Variants in CUX1 observed in about 807,000 individuals in gnomAD.
CUX1 encodes cut like homeobox 1, also known as protein CASP.
Under a neutral mutation model 158.8 loss-of-function variants are expected in CUX1, and 31 were observed. The ratio of observed to expected loss-of-function variants is 0.20; its 90% CI spans 0.15 to 0.26. The LOEUF (loss-of-function observed/expected upper bound fraction) is 0.26, where lower values mean the gene tolerates loss of function less well. Among genes scored for constraint, CUX1 ranks in the 10% least tolerant of loss-of-function variants. The probability of loss-of-function intolerance (pLI) is 1.00; values close to 1 mark genes in which losing one functional copy is unlikely to be tolerated. For synonymous variants in CUX1, 879 were observed against 862.1 expected (o/e 1.02, Z -0.34); for missense variants, 1,589 against 2,014.6 (o/e 0.79, Z 4.04).
Position 102,257,866 on chromosome 7 carries a change from CAAAAAAG to C in CUX1, c.*8832_*8838del. 1 of 976,078 alleles carries C rather than the reference CAAAAAAG, an allele frequency of 1.0e-6. No individual in the cohort carries two copies. The allele number at this position is 976,078 out of a possible 1,614,324, so 60.5% of individuals were successfully genotyped here. A position where few individuals can be genotyped will look rare whatever the true frequency, so the allele number is the denominator to read the frequency against. On this transcript the variant is annotated 3_prime_UTR_variant, in exon 24 of 24. Transcript: ENST00000292535. ...CAATCCTCACAGAGACCCAATTGACCAAAAAAGAAAAAAGGAAAAAAAAAAAGTCGTC... is the reference window on the plus strand; with the variant it reads ...CAATCCTCACAGAGACCCAATTGACCAAAAAAGGAAAAAAAAAAAGTCGTC...
chr7:102,225,097 G>C (rs1487595713), intron 20 of CUX1, among the ~76,000 whole-genome samples: 2 of 152,164 alleles, frequency 1.3e-5, no homozygotes, highest in African/African-American at 4.8e-5. Flanking sequence ...TGAGCAGAGA[G>C]AAGAAATCTG....
intron 2 of CUX1, among the ~76,000 whole-genome samples, chr7:101,964,734 C>T (rs750177987): frequency 6.6e-6 from 1 of 152,188 alleles, no homozygotes; most frequent in Admixed American, 6.5e-5. Flanking sequence ...AGAATATTAT[C>T]GTTTCAGAGT....
At chr7:102,160,595 G>C (rs1790328337) in intron 9 of CUX1, among the ~76,000 whole-genome samples, 1 of 152,058 alleles carries the variant, frequency 6.6e-6, no homozygotes, top group Admixed American at 6.6e-5. Context: ...GCCTTGACGG[G>C]TCTCTTAATC....
intron 4 of CUX1, among the ~76,000 whole-genome samples, chr7:102,086,232 G>T (rs1295888417): frequency 6.8e-6 from 1 of 146,648 alleles, no homozygotes; most frequent in Non-Finnish European, 1.5e-5. Context: ...GCTTTTGTTT[G>T]CATTGATTTT....
chr7:102,266,002 A>G (rs1309280359), intron 14 of CUX1, among the ~76,000 whole-genome samples: 2 of 152,044 alleles, frequency 1.3e-5, no homozygotes, highest in Non-Finnish European at 2.9e-5. Context: ...CCAGGAGTTT[A>G]AGACCAGCCT....
At position 101,885,728 on chromosome 7, in the gene CUX1, G is replaced by A. The variant is rs185661636; in HGVS notation, c.31-30387G>A. On this transcript the variant is annotated intron_variant, in intron 1 of 23. Transcript: ENST00000292535. ...TCGGACGACTTCCTCTTTGTGTCTC[G>A]TGGACTACTCAATAAATATTAATGT... is the stretch of plus-strand genomic sequence containing the variant. Among the ~76,000 whole-genome samples, 23 of 152,252 alleles carry A rather than the reference G, an allele frequency of 1.5e-4. No individual in the cohort carries two copies. The East Asian group carries it at 3.1e-3, about 20-fold the overall frequency.
intron 20 of CUX1, among the ~76,000 whole-genome samples, chr7:102,225,317 T>G (rs1798237094): frequency 6.6e-6 from 1 of 152,188 alleles, no homozygotes; most frequent in African/African-American, 2.4e-5. Context: ...TGCAAATGTT[T>G]TATTTGAGGT....
intron 2 of CUX1, among the ~76,000 whole-genome samples, chr7:101,946,956 G>A (rs1019244615): frequency 3.3e-5 from 5 of 152,266 alleles, no homozygotes; most frequent in Admixed American, 2.6e-4. Context: ...ACAGGGAGAG[G>A]AGCCACAGAA....
At chr7:102,245,910 T>C (rs1242283467) in intron 23 of CUX1, among the ~76,000 whole-genome samples, 1 of 151,108 alleles carries the variant, frequency 6.6e-6, no homozygotes, top group Admixed American at 6.6e-5. Flanking sequence ...AGGCAGAGGT[T>C]GCAGTGAGCT....
At chr7:101,925,748 A>G (rs1805510156) in intron 2 of CUX1, among the ~76,000 whole-genome samples, 2 of 152,192 alleles carry the variant, frequency 1.3e-5, no homozygotes, top group Admixed American at 1.3e-4. Flanking sequence ...CCTGGGCAAT[A>G]TAGTGAGACC....
rs540144289 is a variant in CUX1 at position 102,201,526 on chromosome 7, C to G, written c.2229C>G (p.Pro743=). 3.5e-5 allele frequency: 57 copies of G among 1,614,084 alleles called. No individual in the cohort carries two copies. The highest frequency in any genetic ancestry group is 4.6e-5 in the Non-Finnish European group (54 of 1,180,044). The change falls in exon 18 of 24, where the codon CCC becomes CCG. Residue 743 remains proline, a synonymous_variant. Coordinates refer to ENST00000292535, the MANE Select transcript of CUX1 (RefSeq NM_181552.4). The surrounding 1 kb of genome is among the most constrained non-coding windows in gnomAD (Gnocchi z 5.0). ...LSQSDITILT[P]KLLSTSPMPT... is the part of the protein sequence containing the mutation. The stretch of plus-strand genomic sequence containing the variant: ...AGAGTGACATCACCATCCTCACCCC[C>G]AAGCTTCTGTCCACCTCGCCCATGC...
chr7:101,864,984 G>C lies in CUX1; in HGVS notation c.30+47315G>C, dbSNP rs902627433. Among the ~76,000 whole-genome samples, 17 of 152,138 alleles carry C rather than the reference G, an allele frequency of 1.1e-4. 1 individual carries two copies. Among genetic ancestry groups the C allele is most frequent in the Admixed American group, 7.9e-4 (12 of 15,264 alleles). On this transcript the variant is annotated intron_variant, in intron 1 of 23. Coordinates refer to ENST00000292535, the MANE Select transcript of CUX1 (RefSeq NM_181552.4). Reference sequence around the variant, plus strand: ...AAAAGGGAAATACTATCTCCCACATGGTATTATTCATGATGTATATCTTTT... The same window carrying C: ...AAAAGGGAAATACTATCTCCCACATCGTATTATTCATGATGTATATCTTTT...
chr7:102,273,333 C>T lies in CUX1; in HGVS notation c.1256-33C>T, dbSNP rs113495135. ...AGGGCACCAAGGGTCCCACCAGGCT[C>T]CCTCTGACGGCCATGTCTTCCTTTG... is the stretch of plus-strand genomic sequence containing the variant. On this transcript the variant is annotated intron_variant, in intron 14 of 22. Transcript: ENST00000292538. 1.8e-5 allele frequency: 29 copies of T among 1,605,096 alleles called. 1 individual carries two copies. The highest frequency in any genetic ancestry group is 8.0e-5 in the African/African-American group (6 of 74,938).
chr7:102,283,030 C>G, exon 23 of CUX1: 2 of 1,613,224 alleles, frequency 1.2e-6, no homozygotes, highest in African/African-American at 1.3e-5. Flanking sequence ...GGTTCGCTGA[C>G]CACCTGCACA....
intron 2 of CUX1, among the ~76,000 whole-genome samples, chr7:101,927,412 A>G (rs1219107758): frequency 6.6e-6 from 1 of 152,106 alleles, no homozygotes; most frequent in Non-Finnish European, 1.5e-5. Context: ...TAATCCCAGC[A>G]CTTTGGAGGC....
intron 3 of CUX1, among the ~76,000 whole-genome samples, chr7:102,045,407 G>A (rs1822633022): frequency 6.6e-6 from 1 of 152,248 alleles, no homozygotes; most frequent in East Asian, 1.9e-4. Context: ...CCCGCCCGGC[G>A]CTGCCGCCAC....
intron 12 of CUX1, among the ~76,000 whole-genome samples, chr7:102,191,884 C>T (rs538905406): frequency 2.0e-4 from 31 of 152,110 alleles, no homozygotes; most frequent in African/African-American, 6.3e-4. Flanking sequence ...CAACACATAC[C>T]GTTCTACTCC....
rs10655613 is a variant in CUX1, at chr7:102,034,145, C to CAAAAAAAAAAAA, written c.189+6011_189+6022dup. On this transcript the variant is annotated intron_variant, in intron 3 of 23. Transcript: ENST00000292535. The stretch of plus-strand genomic sequence containing the variant: ...CAGGTGACAGAGCGAGACTCCATCT[C>CAAAAAAAAAAAA]AAAAAAAAAAAAAAAAAAAAAAGTC... Among the ~76,000 whole-genome samples, 7 of 48,610 alleles carry CAAAAAAAAAAAA rather than the reference C, an allele frequency of 1.4e-4. 1 individual carries two copies. Among genetic ancestry groups the CAAAAAAAAAAAA allele is most frequent in the African/African-American group, 1.9e-4 (2 of 10,782 alleles). 31.9% of individuals were successfully genotyped at this position (48,610 alleles called of 152,430 possible).
intron 3 of CUX1, among the ~76,000 whole-genome samples, chr7:102,039,751 T>C (rs766161002): frequency 6.6e-6 from 1 of 150,480 alleles, no homozygotes; most frequent in African/African-American, 2.4e-5. Context: ...AACCAGCCCC[T>C]CCTAGACAAA....
Sources: gnomAD v4.1 joint callset for allele counts (sites outside exome capture counted in the v4.1 genomes callset) on GRCh38, gnomAD v4.1.1 for gene constraint, Gnocchi (gnomAD v3.1) non-coding constraint, MANE v1.5 for transcripts, NCBI Gene and HGNC (gene_info 2026-07-23, HGNC 2026-07-21) for gene names.